The following GNA14 variants were observed in gnomAD, a reference collection of about 807,000 sequenced individuals.
GNA14 encodes the protein G protein subunit alpha 14.
In GNA14, 50 loss-of-function variants were observed where a neutral mutation model predicts 42.0. The ratio of observed to expected loss-of-function variants is 1.19; its 90% confidence interval spans 0.95 to 1.51. GNA14 has a LOEUF of 1.51. Among genes scored for constraint, GNA14 ranks in the 40% most tolerant of loss-of-function variants. GNA14 has a pLI of 0.00. For missense variants in GNA14, 473 were observed against 446.2 expected (o/e 1.06, Z -0.54); for synonymous variants, 173 against 163.1 (o/e 1.06, Z -0.46).
At position 77,434,411 on chromosome 9, in the gene GNA14, A is replaced by T; in HGVS notation, c.421T>A (p.Tyr141Asn). ...AGCTGGTACTCCCTCCTCCTGTCGT[A>T]ACACTCCTGGATGCCTGGATCTTGC... ...LWQDPGIQEC[Y>N]DRRREYQLSD... Residue 141 changes from tyrosine (Y) to asparagine (N), a missense_variant, in exon 3 of 7, where the codon TAC (tyrosine) becomes AAC (asparagine). Tyr to Asn is a moderately radical substitution (Grantham distance 143, BLOSUM62 -2). Coordinates refer to ENST00000341700, the MANE Select transcript of GNA14 (RefSeq NM_004297.4). The T allele has an allele frequency of 6.2e-7, 1 of 1,614,108 alleles. No homozygotes were observed.
intron 2 of GNA14, among the ~76,000 whole-genome samples, chr9:77,490,671 T>C (rs1836756143): frequency 6.6e-6 from 1 of 152,138 alleles, no homozygotes; most frequent in Admixed American, 6.5e-5. Context: ...GGCCGGCCGC[T>C]CCGAGTGCGG....
At chr9:77,489,721 G>A (rs1019168072) in intron 2 of GNA14, among the ~76,000 whole-genome samples, 9 of 152,032 alleles carry the variant, frequency 5.9e-5, no homozygotes, top group Admixed American at 3.9e-4. Flanking sequence ...TCTTAAGGCA[G>A]CGCGTCTGGA....
intron 2 of GNA14, among the ~76,000 whole-genome samples, chr9:77,504,343 A>G (rs954146742): frequency 2.0e-5 from 3 of 152,098 alleles, no homozygotes; most frequent in African/African-American, 7.2e-5. Flanking sequence ...CTGCTCTCAT[A>G]GGGAATCTGC....
At chr9:77,619,481 A>G (rs1324219628) in intron 1 of GNA14, among the ~76,000 whole-genome samples, 1 of 152,168 alleles carries the variant, frequency 6.6e-6, no homozygotes, top group Non-Finnish European at 1.5e-5. Context: ...GATTACAGGT[A>G]TGAGCCACCA....
chr9:77,615,720 CA>C (rs2117956617), intron 1 of GNA14, among the ~76,000 whole-genome samples: 1 of 132,184 alleles, frequency 7.6e-6, no homozygotes, highest in South Asian at 2.3e-4. Context: ...CACACACACA[CA>C]CACACACACA....
intron 2 of GNA14, among the ~76,000 whole-genome samples, chr9:77,495,709 C>T (rs114904027): frequency 0.011 from 1,690 of 152,268 alleles, 41 homozygotes; most frequent in African/African-American, 0.038. Context: ...AACCAGAATG[C>T]TCCACGCCTT....
chr9:77,555,975 T>C (rs1043766321), intron 1 of GNA14, among the ~76,000 whole-genome samples: 3 of 152,226 alleles, frequency 2.0e-5, no homozygotes, highest in Admixed American at 6.5e-5. Context: ...CCGGGCACAG[T>C]GGCTCATGCC....
chr9:77,625,123 T>G (rs1417292731), intron 1 of GNA14, among the ~76,000 whole-genome samples: 1 of 151,442 alleles, frequency 6.6e-6, no homozygotes, highest in Admixed American at 6.6e-5. Context: ...CAAGTATCAA[T>G]AGCGGAATCG....
intron 1 of GNA14, among the ~76,000 whole-genome samples, chr9:77,642,434 C>A (rs1199365646): frequency 6.6e-6 from 1 of 152,110 alleles, no homozygotes; most frequent in Non-Finnish European, 1.5e-5. Flanking sequence ...ATTTTAATGT[C>A]TATTTTAGAG....
chr9:77,561,374 A>T (rs373003031), intron 1 of GNA14, among the ~76,000 whole-genome samples: 205 of 152,336 alleles, frequency 1.3e-3, no homozygotes, highest in African/African-American at 3.6e-3. Context: ...GAAATATTTT[A>T]AAAAAGAAGA....
intron 2 of GNA14, among the ~76,000 whole-genome samples, chr9:77,462,759 G>A (rs7862678): frequency 0.34 from 49,821 of 146,248 alleles, 8,861 homozygotes; most frequent in South Asian, 0.53. Context: ...GAATGACTCA[G>A]CTTATCCTTT....
At chr9:77,444,811 C>G (rs1206561013) in intron 2 of GNA14, among the ~76,000 whole-genome samples, 2 of 152,158 alleles carry the variant, frequency 1.3e-5, no homozygotes, top group African/African-American at 2.4e-5. Flanking sequence ...ACCTTAGGTC[C>G]AGGGGGAGGT....
intron 1 of GNA14, among the ~76,000 whole-genome samples, chr9:77,531,358 C>T (rs1329810469): frequency 6.6e-6 from 1 of 152,130 alleles, no homozygotes; most frequent in African/African-American, 2.4e-5. Context: ...CCCTGGGAGC[C>T]ACCATTTCAT....
chr9:77,511,856 G>T (rs1283362808), intron 2 of GNA14, among the ~76,000 whole-genome samples: 1 of 152,140 alleles, frequency 6.6e-6, no homozygotes, highest in Non-Finnish European at 1.5e-5. Context: ...TGTTTTAAGG[G>T]TCCAGTCAAC....
chr9:77,535,101 G>T (rs1837577740), intron 1 of GNA14, among the ~76,000 whole-genome samples: 1 of 152,232 alleles, frequency 6.6e-6, no homozygotes, highest in Non-Finnish European at 1.5e-5. Context: ...CAGCAGCAAA[G>T]AGGCCTGCCC....
Position 77,434,505 on chromosome 9 carries a change from G to A in GNA14, c.327C>T (p.Ile109=). 6.2e-7 allele frequency: 1 copy of A among 1,613,386 alleles called. No individual in the cohort carries two copies. Among genetic ancestry groups the A allele is most frequent in the South Asian group, 1.1e-5 (1 of 90,956 alleles). Residue 109 remains isoleucine, a synonymous_variant, in exon 3 of 7, where the codon ATC becomes ATT. Coordinates refer to ENST00000341700, the MANE Select transcript of GNA14 (RefSeq NM_004297.4). The stretch of plus-strand genomic sequence containing the variant: ...AGACCTTGTCCACTTCCACTTCTCT[G>A]ATTATCTGGGCATTTTCCTACTCAA... ...CEQNKENAQI[I]REVEVDKVSM...
At position 77,595,232 on chromosome 9, in the gene GNA14, T is replaced by C. The variant is rs114213727; in HGVS notation, c.124+52438A>G. 7.5e-3 allele frequency among the ~76,000 whole-genome samples: 1,140 copies of C among 152,136 alleles called. 16 individuals carry two copies. Among genetic ancestry groups the C allele is most frequent in the African/African-American group, 0.026 (1,059 of 41,406 alleles). ...TGATGCTTGGTGAATATTTGTTAAG[T>C]TAATGTTTGGATTTATTCCTTGGCT... On this transcript the variant is annotated intron_variant, in intron 1 of 6. Transcript: ENST00000341700.
At chr9:77,501,785 A>T (rs1836978050) in intron 2 of GNA14, among the ~76,000 whole-genome samples, 2 of 144,168 alleles carry the variant, frequency 1.4e-5, no homozygotes, top group Admixed American at 1.5e-4. Context: ...ATCTCGGCTC[A>T]CTGCAAGCTC....
At chr9:77,489,189 A>G (rs1048797985) in intron 2 of GNA14, among the ~76,000 whole-genome samples, 1 of 152,174 alleles carries the variant, frequency 6.6e-6, no homozygotes, top group African/African-American at 2.4e-5. Flanking sequence ...GAAAGAATGA[A>G]TGAGCCCAAA....
Sources: allele counts gnomAD v4.1 joint callset (sites outside exome capture counted in the v4.1 genomes callset), GRCh38; gene constraint gnomAD v4.1.1; transcripts MANE v1.5; gene names NCBI Gene and HGNC (gene_info 2026-07-23, HGNC 2026-07-21).